Variants in C11orf58 observed in about 807,000 individuals in gnomAD.
C11orf58 encodes small acidic protein.
C11orf58 carries 5 observed loss-of-function variants against 22.7 expected under a neutral mutation model. That is an observed-to-expected ratio of 0.22 (90% CI 0.12 to 0.46). The LOEUF (loss-of-function observed/expected upper bound fraction) is 0.46, where lower values mean the gene tolerates loss of function less well. C11orf58 is among the 20% of genes least tolerant of loss of function. C11orf58 has a pLI of 0.99. For synonymous variants in C11orf58, 71 were observed against 70.7 expected (o/e 1.00, Z -0.02); for missense variants, 151 against 223.3 (o/e 0.68, Z 2.06).
intron 1 of C11orf58, 69 bp from the exon 2 acceptor site, chr11:16,744,532 G>C: frequency 7.9e-7 from 1 of 1,268,278 alleles, no homozygotes; most frequent in Admixed American, 1.8e-5. Context: ...GAGAGTTACA[G>C]GTAGACTTTA....
chr11:16,756,637 G>A lies in C11orf58; in HGVS notation c.*1533G>A, dbSNP rs540638303. Among the ~76,000 whole-genome samples the A allele has an allele frequency of 2.6e-5, 4 of 151,596 alleles. No individual in the cohort carries two copies. The highest frequency in any genetic ancestry group is 2.1e-4 in the South Asian group (1 of 4,778). On this transcript the variant is annotated 3_prime_UTR_variant, in exon 5 of 5. Transcript: ENST00000228136. ...AAATGTAGAACGTGTTGCCATGTGC[G>A]GTGGCTCACACCTATAATCCCAGCA...
chr11:16,740,792 A>G (rs1367222764), intron 1 of C11orf58, among the ~76,000 whole-genome samples: 3 of 38,334 alleles, frequency 7.8e-5, no homozygotes, highest in Non-Finnish European at 3.0e-4. Context: ...CTGTTGCAGA[A>G]AAAAAAAAAA....
chr11:16,754,604 A>G (rs1326369343), intron 4 of C11orf58, among the ~76,000 whole-genome samples: 8 of 83,966 alleles, frequency 9.5e-5, no homozygotes, highest in South Asian at 4.4e-4. Flanking sequence ...GGGTCTCACT[A>G]TGTTGCCCAG....
At chr11:16,743,070 A>C (rs899978659) in intron 1 of C11orf58, among the ~76,000 whole-genome samples, 1 of 152,206 alleles carries the variant, frequency 6.6e-6, no homozygotes, top group Admixed American at 6.5e-5. Flanking sequence ...GAATTTTTGA[A>C]ACCTATTGCT....
intron 2 of C11orf58, 168 bp from the exon 3 acceptor site, chr11:16,747,929 C>T (rs896947729): frequency 3.5e-6 from 2 of 573,376 alleles, no homozygotes; most frequent in Non-Finnish European, 6.3e-6. Context: ...CTCCCTTCCC[C>T]ATTCCTACCC....
chr11:16,738,904 A>C, intron 1 of C11orf58, 63 bp downstream of exon 1: 1 of 1,597,258 alleles, frequency 6.3e-7, no homozygotes, highest in South Asian at 1.1e-5. Context: ...TAGGCCGGGA[A>C]GGGTGGTTGG....
In C11orf58 at chr11:16,757,119, A is replaced by G. The variant is rs1428605626; in HGVS notation, c.*2015A>G. ...ATATTGAATCACTTTATAGTAGACA[A>G]TACATATGACATTTAACAAATACTT... is the stretch of plus-strand genomic sequence containing the variant. On this transcript the variant is annotated 3_prime_UTR_variant, in exon 5 of 5. Coordinates refer to ENST00000228136, the MANE Select transcript of C11orf58 (RefSeq NM_014267.6). 3.5e-5 allele frequency among the ~76,000 whole-genome samples: 5 copies of G among 144,750 alleles called. No homozygotes were observed. The highest frequency in any genetic ancestry group is 1.2e-4 in the African/African-American group (5 of 40,736). The allele number at this position is 144,750 out of a possible 152,430, so 95.0% of individuals were successfully genotyped here. A position where few individuals can be genotyped will look rare whatever the true frequency, so the allele number is the denominator to read the frequency against.
Position 16,758,021 on chromosome 11 carries a change from T to G in C11orf58, c.*2917T>G, listed in dbSNP as rs1411977982. ...ACACACAGGGCTTTGGTTCCATTACTTGTTTCCACCACAGCCACATCCTAA... is the reference window on the plus strand; with the variant it reads ...ACACACAGGGCTTTGGTTCCATTACGTGTTTCCACCACAGCCACATCCTAA... On this transcript the variant is annotated 3_prime_UTR_variant, in exon 5 of 5. Transcript: ENST00000228136. Among the ~76,000 whole-genome samples, 1 of 152,102 alleles carries G rather than the reference T, an allele frequency of 6.6e-6. No individual in the cohort carries two copies. The highest frequency in any genetic ancestry group is 2.4e-5 in the African/African-American group (1 of 41,368).
In C11orf58 at chr11:16,757,700, T is replaced by C. The variant is rs1005439526; in HGVS notation, c.*2596T>C. Among the ~76,000 whole-genome samples the C allele has an allele frequency of 1.3e-5, 2 of 152,256 alleles. No homozygotes were observed. The highest frequency in any genetic ancestry group is 2.9e-5 in the Non-Finnish European group (2 of 68,048). On this transcript the variant is annotated 3_prime_UTR_variant, in exon 5 of 5. Transcript: ENST00000228136. ...AGTGGCAACTTTTCCATATCATTCATGACTTAATACCTGAAATGCACTTTT... is the reference window on the plus strand; with the variant it reads ...AGTGGCAACTTTTCCATATCATTCACGACTTAATACCTGAAATGCACTTTT...
Position 16,752,824 on chromosome 11 carries a change from A to T in C11orf58, c.248A>T (p.Gln83Leu), listed in dbSNP as rs746556437. ...DKKINEELES[Q>L]YQQSMDSKLS... ...AAAATTAATGAAGAACTGGAGTCTC[A>T]ATATCAGCAAAGTATGGACAGTAAA... is the stretch of plus-strand genomic sequence containing the variant. The change falls in exon 4 of 5, where the codon CAA becomes CTA. Residue 83 changes from glutamine to leucine, a missense_variant. Physicochemically the swap from Gln to Leu is moderately radical, Grantham distance 113. Coordinates refer to ENST00000228136, the MANE Select transcript of C11orf58 (RefSeq NM_014267.6). 6.2e-7 allele frequency: 1 copy of T among 1,613,342 alleles called. No individual in the cohort carries two copies. The highest frequency in any genetic ancestry group is 8.5e-7 in the Non-Finnish European group (1 of 1,179,756).
intron 2 of C11orf58, chr11:16,747,192 A>G (rs967740102): frequency 1.3e-5 from 2 of 152,248 alleles, no homozygotes; most frequent in Non-Finnish European, 2.9e-5. Flanking sequence ...AACTAGTAAC[A>G]CACTGAATTA....
chr11:16,754,832 A>G, intron 4 of C11orf58, 39 bp from the exon 5 acceptor site: 2 of 1,606,694 alleles, frequency 1.2e-6, no homozygotes, highest in Admixed American at 1.7e-5. Context: ...GTATGGGCTA[A>G]TGTTTATTTT....
In C11orf58 at chr11:16,750,500, T is replaced by C. The variant is rs1291069202; in HGVS notation, c.209-2285T>C. On this transcript the variant is annotated intron_variant, in intron 3 of 4. Transcript: ENST00000228136. ...TGCTAAGGACATCTGTTGTGAACTC[T>C]TAGGAGAGCCTGCAGTTCAAAAGGT... 4.6e-5 allele frequency: 7 copies of C among 152,360 alleles called. No individual in the cohort carries two copies. In the East Asian group the frequency reaches 1.3e-3, roughly 29 times the overall value. 9.4% of individuals were successfully genotyped at this position (152,360 alleles called of 1,614,324 possible).
Position 16,747,909 on chromosome 11 carries a change from G to A in C11orf58, c.148-188G>A, listed in dbSNP as rs374823217. 100 of 530,162 alleles carry A rather than the reference G, an allele frequency of 1.9e-4. 1 individual carries two copies. Among genetic ancestry groups the A allele is most frequent in the African/African-American group, 1.6e-3 (81 of 51,778 alleles). The allele number at this position is 530,162 out of a possible 1,614,324, so 32.8% of individuals were successfully genotyped here. On this transcript the variant is annotated intron_variant, in intron 2 of 4. Coordinates refer to ENST00000228136, the MANE Select transcript of C11orf58 (RefSeq NM_014267.6). Reference sequence around the variant, plus strand: ...CTAACATAGTATAAATAGTGATTACGTTTGCCTGTCTCCCTTCCCCATTCC... The same window carrying A: ...CTAACATAGTATAAATAGTGATTACATTTGCCTGTCTCCCTTCCCCATTCC...
intron 2 of C11orf58, among the ~76,000 whole-genome samples, chr11:16,746,122 G>A (rs1848485643): frequency 6.6e-6 from 1 of 152,176 alleles, no homozygotes; most frequent in South Asian, 2.1e-4. Flanking sequence ...AGCTAACTCT[G>A]GTTTAGCAGT....
intron 2 of C11orf58, among the ~76,000 whole-genome samples, chr11:16,746,260 G>T (rs1848486546): frequency 6.6e-6 from 1 of 152,184 alleles, no homozygotes; most frequent in Non-Finnish European, 1.5e-5. Context: ...TTTAAATAAA[G>T]CATTTGTATA....
chr11:16,745,958 A>G (rs1336981465), intron 2 of C11orf58, among the ~76,000 whole-genome samples: 1 of 152,250 alleles, frequency 6.6e-6, no homozygotes, highest in South Asian at 2.1e-4. Flanking sequence ...ACAATTACAG[A>G]CTACCTACTA....
rs1848591121 is a variant in C11orf58 at position 16,757,575 on chromosome 11, A to G, written c.*2471A>G. On this transcript the variant is annotated 3_prime_UTR_variant, in exon 5 of 5. Coordinates refer to ENST00000228136, the MANE Select transcript of C11orf58 (RefSeq NM_014267.6). Reference sequence around the variant, plus strand: ...GTTTTTTAAATCAAATTGGAAAAAAATTAGACAACTGATGTCATGCTGTCT... The same window carrying G: ...GTTTTTTAAATCAAATTGGAAAAAAGTTAGACAACTGATGTCATGCTGTCT... Among the ~76,000 whole-genome samples, 1 of 152,220 alleles carries G rather than the reference A, an allele frequency of 6.6e-6. No individual in the cohort carries two copies. The highest frequency in any genetic ancestry group is 2.4e-5 in the African/African-American group (1 of 41,450).
At chr11:16,742,792 A>G (rs948542141) in intron 1 of C11orf58, among the ~76,000 whole-genome samples, 17 of 152,168 alleles carry the variant, frequency 1.1e-4, no homozygotes, top group African/African-American at 4.1e-4. Context: ...ACCGAAATTT[A>G]TATTCTTTGT....
Sources: allele counts gnomAD v4.1 joint callset (sites outside exome capture counted in the v4.1 genomes callset), GRCh38; gene constraint gnomAD v4.1.1; transcripts MANE v1.5; gene names NCBI Gene and HGNC (gene_info 2026-07-23, HGNC 2026-07-21).